The following ISM1 variants were observed in gnomAD, a reference collection of about 807,000 sequenced individuals.
The protein encoded by ISM1 is isthmin-1.
ISM1 carries 25 observed loss-of-function variants against 46.3 expected under a neutral mutation model. The observed-to-expected ratio is 0.54, with a 90% CI of 0.39 to 0.75. ISM1 has a LOEUF of 0.75. Ranked by LOEUF, ISM1 falls within the 30% of genes least tolerant of loss-of-function variation. ISM1 has a pLI of 0.00. For synonymous variants in ISM1, 255 were observed against 256.7 expected (o/e 0.99, Z 0.06); for missense variants, 536 against 625.4 (o/e 0.86, Z 1.52).
the ISM1 span, among the ~76,000 whole-genome samples, chr20:13,308,894 C>T: frequency 6.6e-6 from 1 of 152,028 alleles, no homozygotes; most frequent in African/African-American, 2.4e-5. Context: ...GCCCTCTTTC[C>T]ACCATGTAAG....
intron 1 of ISM1, among the ~76,000 whole-genome samples, chr20:13,245,818 T>G (rs887572547): frequency 6.6e-6 from 1 of 152,222 alleles, no homozygotes; most frequent in Non-Finnish European, 1.5e-5. Context: ...AAACAGATAC[T>G]GAGGAACTCC....
rs1943850307 is a variant in ISM1, at chr20:13,267,331, T to C, written c.139-3173T>C. Among the ~76,000 whole-genome samples, 5 of 152,174 alleles carry C rather than the reference T, an allele frequency of 3.3e-5. No individual in the cohort carries two copies. In the South Asian group the frequency reaches 1.0e-3, roughly 32 times the overall value. ...TGGGGGGCAGGGCGGTTCGGAGAGA[T>C]GGAGAAATGCCACAGTTGTGTGCAT... is the stretch of plus-strand genomic sequence containing the variant. On this transcript the variant is annotated intron_variant, in intron 1 of 5. Coordinates refer to ENST00000262487, the MANE Select transcript of ISM1 (RefSeq NM_080826.2).
intron 1 of ISM1, among the ~76,000 whole-genome samples, chr20:13,230,711 G>A (rs6131455): frequency 0.23 from 33,818 of 150,280 alleles, 3,822 homozygotes; most frequent in South Asian, 0.29. Context: ...ATTATATGTA[G>A]TGAGTTCAAA....
chr20:13,242,912 C>G (rs75242791), intron 1 of ISM1, among the ~76,000 whole-genome samples: 10,461 of 152,222 alleles, frequency 0.069, 477 homozygotes, highest in Middle Eastern at 0.14. Context: ...GGGCCAGACA[C>G]TTTTTTAAGC....
At chr20:13,316,748 A>G in the ISM1 span, among the ~76,000 whole-genome samples, 1 of 151,888 alleles carries the variant, frequency 6.6e-6, no homozygotes, top group African/African-American at 2.4e-5. Context: ...ATTATAAAAA[A>G]AAAAAACTTT....
the ISM1 span, among the ~76,000 whole-genome samples, chr20:13,315,275 G>A: frequency 6.6e-6 from 1 of 151,990 alleles, no homozygotes; most frequent in Non-Finnish European, 1.5e-5. Context: ...CAGGAAACAA[G>A]ACTCAACTAT....
chr20:13,321,722 A>G, the ISM1 span, among the ~76,000 whole-genome samples: 36,561 of 152,140 alleles, frequency 0.24, 4,870 homozygotes, highest in African/African-American at 0.32. Context: ...CCATATAAAT[A>G]CATAACTATT....
At chr20:13,244,192 T>C (rs926232005) in intron 1 of ISM1, 2 of 152,214 alleles carry the variant, frequency 1.3e-5, no homozygotes, top group Admixed American at 1.3e-4. Context: ...TTGGATTAAA[T>C]GCAGAGGTCT....
chr20:13,309,180 T>G, the ISM1 span, among the ~76,000 whole-genome samples: 1 of 152,058 alleles, frequency 6.6e-6, no homozygotes, highest in Non-Finnish European at 1.5e-5. Flanking sequence ...TACTAAACTA[T>G]GCATGGGAAG....
chr20:13,296,193 C>T (rs904140023), intron 5 of ISM1, among the ~76,000 whole-genome samples: 4 of 152,166 alleles, frequency 2.6e-5, no homozygotes, highest in Admixed American at 6.5e-5. Flanking sequence ...CCCACATTTC[C>T]TCCACCCATA....
At chr20:13,287,525 T>C (rs1302320581) in intron 3 of ISM1, among the ~76,000 whole-genome samples, 1 of 152,190 alleles carries the variant, frequency 6.6e-6, no homozygotes, top group Admixed American at 6.5e-5. Flanking sequence ...CCCCCCTATT[T>C]CCTGGCCTAC....
chr20:13,256,275 A>T (rs2039927831), intron 1 of ISM1, among the ~76,000 whole-genome samples: 1 of 151,944 alleles, frequency 6.6e-6, no homozygotes, highest in Non-Finnish European at 1.5e-5. Context: ...GGGTGCCTGT[A>T]ATCCCAGCTA....
chr20:13,228,140 T>G (rs2039549681), intron 1 of ISM1, among the ~76,000 whole-genome samples: 1 of 151,750 alleles, frequency 6.6e-6, no homozygotes, highest in African/African-American at 2.4e-5. Flanking sequence ...GCCCGGCTAA[T>G]TTTTGTATTT....
intron 1 of ISM1, among the ~76,000 whole-genome samples, chr20:13,228,989 T>C (rs1248787875): frequency 6.6e-6 from 1 of 152,164 alleles, no homozygotes; most frequent in Non-Finnish European, 1.5e-5. Context: ...AACCCAGGAC[T>C]GAATGAAATA....
intron 1 of ISM1, among the ~76,000 whole-genome samples, chr20:13,262,373 T>C (rs2039998112): frequency 6.6e-6 from 1 of 152,220 alleles, no homozygotes; most frequent in South Asian, 2.1e-4. Context: ...ACAAGGGCTT[T>C]ATCAAAGTGG....
chr20:13,310,554 G>A, the ISM1 span, among the ~76,000 whole-genome samples: 1 of 152,238 alleles, frequency 6.6e-6, no homozygotes, highest in South Asian at 2.1e-4. Flanking sequence ...GGCAACAAAA[G>A]CAAAAATAGG....
intron 1 of ISM1, among the ~76,000 whole-genome samples, chr20:13,254,633 C>T (rs1427978545): frequency 3.3e-5 from 5 of 152,150 alleles, no homozygotes; most frequent in African/African-American, 1.2e-4. Flanking sequence ...TATATTCTCT[C>T]TCTGGGCAAA....
chr20:13,315,840 A>G, the ISM1 span, among the ~76,000 whole-genome samples: 1 of 152,050 alleles, frequency 6.6e-6, no homozygotes, highest in African/African-American at 2.4e-5. Flanking sequence ...AAACAATAAC[A>G]GAAAGCTGAA....
At chr20:13,251,951 C>A (rs894874270) in intron 1 of ISM1, among the ~76,000 whole-genome samples, 3 of 151,564 alleles carry the variant, frequency 2.0e-5, no homozygotes, top group African/African-American at 7.3e-5. Context: ...GTGAGAGAGT[C>A]CAAGCTGAAG....
Sources: allele counts gnomAD v4.1 joint callset (sites outside exome capture counted in the v4.1 genomes callset), GRCh38; gene constraint gnomAD v4.1.1; transcripts MANE v1.5; gene names NCBI Gene and HGNC (gene_info 2026-07-23, HGNC 2026-07-21).